AKAP9: variants seen among roughly 807,000 people sequenced by gnomAD.
The protein encoded by AKAP9 is A-kinase anchor protein 9.
A neutral mutation model predicts 488.5 loss-of-function variants in AKAP9; 311 were observed. The observed-to-expected ratio is 0.64, with a 90% CI of 0.58 to 0.70. The LOEUF (loss-of-function observed/expected upper bound fraction) is 0.70. AKAP9 is among the 30% of genes least tolerant of loss of function. The pLI is 0.00. For synonymous variants in AKAP9, 1,462 were observed against 1,483.5 expected (o/e 0.99, Z 0.33); for missense variants, 4,215 against 4,374.5 (o/e 0.96, Z 1.03).
At chr7:91,996,742 A>G (rs1035424492) in intron 7 of AKAP9, among the ~76,000 whole-genome samples, 1 of 152,244 alleles carries the variant, frequency 6.6e-6, no homozygotes, top group Non-Finnish European at 1.5e-5. Flanking sequence ...TACATGCAAT[A>G]TAATACTTTT....
chr7:92,076,730 C>T, intron 28 of AKAP9, 125 bp from the exon 29 acceptor site: 1 of 564,640 alleles, frequency 1.8e-6, no homozygotes, highest in Non-Finnish European at 3.0e-6. Context: ...AAACCACATT[C>T]CTTTATTCTT....
chr7:92,047,173 A>G (rs1367020684), intron 21 of AKAP9, among the ~76,000 whole-genome samples: 2 of 152,104 alleles, frequency 1.3e-5, no homozygotes, highest in Non-Finnish European at 2.9e-5. Context: ...ATCTTCCAAC[A>G]CACATGAAAT....
chr7:91,966,357 A>AT (rs975442579), intron 1 of AKAP9, among the ~76,000 whole-genome samples: 16 of 151,704 alleles, frequency 1.1e-4, no homozygotes, highest in African/African-American at 2.2e-4. Flanking sequence ...TTTTGATGTG[A>AT]TTTTTTTTGT....
chr7:92,086,113 A>T (rs1245919534), intron 36 of AKAP9, 115 bp from the exon 37 acceptor site: 5 of 871,510 alleles, frequency 5.7e-6, no homozygotes, highest in Non-Finnish European at 8.8e-6. Context: ...AATAAATAAA[A>T]GAAGTACACA....
intron 32 of AKAP9, 132 bp from the exon 33 acceptor site, chr7:92,083,038 T>C: frequency 9.6e-7 from 1 of 1,038,864 alleles, no homozygotes; most frequent in Non-Finnish European, 1.4e-6. Flanking sequence ...GTTTCTGAAA[T>C]GTTTTTCCTA....
At chr7:91,983,524 G>A (rs11971198) in intron 3 of AKAP9, among the ~76,000 whole-genome samples, 2,186 of 152,276 alleles carry the variant, frequency 0.014, 45 homozygotes, top group African/African-American at 0.05. Flanking sequence ...GTGTGCATGT[G>A]TCTTTATAGT....
At chr7:92,075,234 A>G (rs1812387636) in intron 28 of AKAP9, among the ~76,000 whole-genome samples, 1 of 152,154 alleles carries the variant, frequency 6.6e-6, no homozygotes, top group South Asian at 2.1e-4. Flanking sequence ...TTGATCATAA[A>G]CTGTTGTATA....
intron 14 of AKAP9, among the ~76,000 whole-genome samples, chr7:92,026,745 G>A (rs1001486035): frequency 3.2e-4 from 49 of 152,168 alleles, no homozygotes; most frequent in African/African-American, 9.6e-4. Context: ...GCCTCTGCCC[G>A]GCCACCACCC....
In AKAP9 at chr7:92,099,846, C is replaced by G. The variant is rs760363723; in HGVS notation, c.10873C>G (p.Gln3625Glu). Residue 3625 changes from glutamine to glutamate, a missense_variant, in exon 44 of 50, where the codon CAG becomes GAG. Gln to Glu is a conservative substitution (Grantham distance 29). This residue lies in a region of AKAP9 where 74 missense variants were observed against 113.0 expected (regional missense o/e 0.65). Coordinates refer to ENST00000356239, the MANE Select transcript of AKAP9 (RefSeq NM_005751.5). ...KLEEQIRWYR[Q>E]TGAGRDNSSR... ...GGAAGAGCAGATCAGGTGGTATCGA[C>G]AGACAGGAGCTGGTAGAGATAATGT... The G allele has an allele frequency of 6.2e-7, 1 of 1,613,988 alleles. No individual in the cohort carries two copies. The highest frequency in any genetic ancestry group is 1.7e-5 in the Admixed American group (1 of 59,998).
intron 38 of AKAP9, chr7:92,091,922 G>A (rs1363598015): frequency 6.6e-6 from 1 of 152,088 alleles, no homozygotes; most frequent in Non-Finnish European, 1.5e-5. Context: ...AATATGAATT[G>A]TAATGTGAAT....
In AKAP9 at chr7:92,077,847, A is replaced by G; in HGVS notation, c.6917A>G (p.Gln2306Arg). The G allele has an allele frequency of 1.2e-6, 2 of 1,613,454 alleles. No individual in the cohort carries two copies. The highest frequency in any genetic ancestry group is 1.7e-6 in the Non-Finnish European group (2 of 1,179,626). ...QLNEQVTKLQQQLKITTDNKV... is the reference protein window; with the variant it reads ...QLNEQVTKLQRQLKITTDNKV... ...AATGAACAAGTTACGAAACTCCAGC[A>G]GCAACTTAAAATTACAACAGATAAC... Residue 2306 changes from glutamine to arginine, a missense_variant, in exon 30 of 50, where the codon CAG becomes CGG. Physicochemically the swap from Gln to Arg is conservative, Grantham distance 43. Coordinates refer to ENST00000356239, the MANE Select transcript of AKAP9 (RefSeq NM_005751.5).
At chr7:92,016,358 C>T (rs970727419) in intron 11 of AKAP9, 91 bp downstream of exon 11, 5 of 935,742 alleles carry the variant, frequency 5.3e-6, no homozygotes, top group South Asian at 5.3e-5. Flanking sequence ...ATTTAATCAC[C>T]CAGCCAAGTT....
At chr7:91,955,395 T>C (rs1176196888) in intron 1 of AKAP9, among the ~76,000 whole-genome samples, 1 of 152,336 alleles carries the variant, frequency 6.6e-6, no homozygotes, top group East Asian at 1.9e-4. Context: ...ATTTGAAACC[T>C]TTCCTCATCT....
chr7:92,080,938 C>A (rs1384111649), intron 31 of AKAP9, among the ~76,000 whole-genome samples: 2 of 152,076 alleles, frequency 1.3e-5, no homozygotes. Flanking sequence ...CATAGGAACT[C>A]AAGATACAGA....
At position 92,020,803 on chromosome 7, in the gene AKAP9, G is replaced by A. The variant is rs554178893; in HGVS notation, c.3838-1435G>A. Reference sequence around the variant, plus strand: ...GATCTTTATTTTCCCTGGGAACTAAGAGGCAAGATCCTCTGTTGAAATTAC... The same window carrying A: ...GATCTTTATTTTCCCTGGGAACTAAAAGGCAAGATCCTCTGTTGAAATTAC... On this transcript the variant is annotated intron_variant, in intron 12 of 49. Transcript: ENST00000356239. Among the ~76,000 whole-genome samples, 5 of 152,302 alleles carry A rather than the reference G, an allele frequency of 3.3e-5. No individual in the cohort carries two copies. In the South Asian group the frequency reaches 1.0e-3, roughly 32 times the overall value.
chr7:91,963,474 CAT>C (rs1211819392), intron 1 of AKAP9, among the ~76,000 whole-genome samples: 8 of 121,982 alleles, frequency 6.6e-5, no homozygotes, highest in Admixed American at 6.4e-4. Flanking sequence ...CTGTAGATAA[CAT>C]ATTTGTCACA....
At chr7:91,966,358 T>C (rs1357251856) in intron 1 of AKAP9, among the ~76,000 whole-genome samples, 1 of 152,102 alleles carries the variant, frequency 6.6e-6, no homozygotes, top group Non-Finnish European at 1.5e-5. Flanking sequence ...TTTGATGTGA[T>C]TTTTTTTGTA....
chr7:92,084,864 A>G lies in AKAP9; in HGVS notation c.8756A>G (p.Gln2919Arg). 1 of 1,613,590 alleles carries G rather than the reference A, an allele frequency of 6.2e-7. No individual in the cohort carries two copies. The highest frequency in any genetic ancestry group is 1.1e-5 in the South Asian group (1 of 91,056). The stretch of plus-strand genomic sequence containing the variant: ...CAGGGAATTTATCTTACACACAGTC[A>G]GGGATTTGACATAGCATCAGAAGGC... ...WGQGIYLTHS[Q>R]GFDIASEGRG... is the part of the protein sequence containing the mutation. Residue 2919 changes from glutamine to arginine, a missense_variant, in exon 35 of 50, where the codon CAG becomes CGG. This residue lies in a region of AKAP9 where 1,476 missense variants were observed against 1,477.4 expected (regional missense o/e 1.00). Transcript: ENST00000356239.
At chr7:91,982,079 G>C (rs544528814) in intron 3 of AKAP9, among the ~76,000 whole-genome samples, 1 of 152,034 alleles carries the variant, frequency 6.6e-6, no homozygotes, top group African/African-American at 2.4e-5. Context: ...ATGAAATTTG[G>C]TTACAATTTG....
Sources: gnomAD v4.1 joint callset for allele counts (sites outside exome capture counted in the v4.1 genomes callset) on GRCh38, gnomAD v4.1.1 for gene constraint, gnomAD v4.1.1 regional missense constraint, MANE v1.5 for transcripts, NCBI Gene and HGNC (gene_info 2026-07-23, HGNC 2026-07-21) for gene names.